Variants in KREMEN2 observed in about 807,000 individuals in gnomAD.
The protein encoded by KREMEN2 is kremen protein 2.
Under a neutral mutation model 49.8 loss-of-function variants are expected in KREMEN2, and 43 were observed. That is an observed-to-expected ratio of 0.86 (90% CI 0.68 to 1.11). The LOEUF is 1.11. KREMEN2 is among the 50% of genes most tolerant of loss of function. KREMEN2 has a pLI of 0.00. For missense variants in KREMEN2, 686 were observed against 665.7 expected (o/e 1.03, Z -0.34); for synonymous variants, 355 against 304.9 (o/e 1.16, Z -1.71).
At position 2,964,297 on chromosome 16, in the gene KREMEN2, G is replaced by A. The variant is rs549561429; in HGVS notation, c.-224G>A. 1.0e-4 allele frequency: 42 copies of A among 413,396 alleles called. No individual in the cohort carries two copies. The highest frequency in any genetic ancestry group is 1.2e-4 in the Non-Finnish European group (29 of 233,116). The allele number at this position is 413,396 out of a possible 1,614,324, so 25.6% of individuals were successfully genotyped here. ...GCCAGATTCCCCCCGGAGAGACCCGGGTAGGGACAGGGACAGAGAGACGCC... is the reference window on the plus strand; with the variant it reads ...GCCAGATTCCCCCCGGAGAGACCCGAGTAGGGACAGGGACAGAGAGACGCC... On this transcript the variant is annotated 5_prime_UTR_variant, in exon 1 of 9. Transcript: ENST00000303746.
In KREMEN2 at chr16:2,967,122, G is replaced by T. The variant is rs2071841748; in HGVS notation, c.853G>T (p.Ala285Ser). The T allele has an allele frequency of 7.0e-7, 1 of 1,426,798 alleles. No individual in the cohort carries two copies. The highest frequency in any genetic ancestry group is 9.1e-7 in the Non-Finnish European group (1 of 1,098,854). 88.4% of individuals were successfully genotyped at this position (1,426,798 alleles called of 1,614,324 possible). A position where few individuals can be genotyped will look rare whatever the true frequency, so the allele number is the denominator to read the frequency against. The change falls in exon 6 of 9, where the codon GCC (alanine) becomes TCC (serine). Residue 285 changes from alanine to serine, a missense_variant. Ala to Ser is a moderately conservative substitution (Grantham distance 99). Coordinates refer to ENST00000303746, the MANE Select transcript of KREMEN2 (RefSeq NM_172229.3). ...CGCGGCTTCGGGCAGCCTGCTCCGC[G>T]CCTTCGATGGCGCCCGCCCACCGCC... ...RDAASGSLLR[A>S]FDGARPPPSG...
intron 8 of KREMEN2, 96 bp downstream of exon 8, chr16:2,967,700 A>C: frequency 6.5e-7 from 1 of 1,547,954 alleles, no homozygotes; most frequent in East Asian, 2.4e-5. Context: ...CTGGGTTCTT[A>C]AGGGAGCGAG....
At position 2,966,413 on chromosome 16, in the gene KREMEN2, G is replaced by C. The variant is rs150800027; in HGVS notation, c.450G>C (p.Gln150His). ...GCACCTCCACGAAGCTCACGGTCCA[G>C]GTGTGCCTACGCTTCTGCCGCATGA... ...PSGTSTKLTV[Q>H]VCLRFCRMKG... The change falls in exon 4 of 9, where the codon CAG (glutamine) becomes CAC (histidine). Residue 150 changes from glutamine (Q) to histidine (H), a missense_variant. Coordinates refer to ENST00000303746, the MANE Select transcript of KREMEN2 (RefSeq NM_172229.3). The surrounding 1 kb of genome is among the most constrained non-coding windows in gnomAD (Gnocchi z 8.4). The C allele has an allele frequency of 7.4e-6, 12 of 1,611,034 alleles. No homozygotes were observed. The highest frequency in any genetic ancestry group is 1.3e-5 in the African/African-American group (1 of 74,854).
Position 2,967,923 on chromosome 16 carries a change from C to A in KREMEN2, c.1292C>A (p.Ser431Tyr). The A allele has an allele frequency of 6.4e-7, 1 of 1,574,414 alleles. No homozygotes were observed. The change falls in exon 9 of 9, where the codon TCC becomes TAC. Residue 431 changes from serine to tyrosine, a missense_variant. Transcript: ENST00000303746. ...CCCCGAGGGGTGGCCTTGCCCTGCTCCCCCGGGGACCCCCAGGCTGAGGGT... is the reference window on the plus strand; with the variant it reads ...CCCCGAGGGGTGGCCTTGCCCTGCTACCCCGGGGACCCCCAGGCTGAGGGT... ...QQPRGVALPCSPGDPQAEGSA... is the reference protein window; with the variant it reads ...QQPRGVALPCYPGDPQAEGSA...
intron 2 of KREMEN2, among the ~76,000 whole-genome samples, chr16:2,965,718 C>T (rs1362969327): frequency 3.4e-5 from 5 of 147,636 alleles, no homozygotes; most frequent in Non-Finnish European, 7.4e-5. Context: ...TTGCAGTGAG[C>T]AGAGATCGCG....
chr16:2,964,542 G>C lies in KREMEN2; in HGVS notation c.22G>C (p.Gly8Arg). 2 of 1,604,658 alleles carry C rather than the reference G, an allele frequency of 1.2e-6. No homozygotes were observed. Among genetic ancestry groups the C allele is most frequent in the South Asian group, 1.1e-5 (1 of 89,760 alleles). MGTQALQ[G>R]FLFLLFLPLL... ...AGCGATGGGGACACAAGCCCTGCAG[G>C]GCTTCCTCTTTCTCCTCTTCCTCCC... The change falls in exon 1 of 9, where the codon GGC (glycine) becomes CGC (arginine). Residue 8 changes from glycine to arginine, a missense_variant. By Grantham distance (125) the Gly-to-Arg change is moderately radical. Coordinates refer to ENST00000303746, the MANE Select transcript of KREMEN2 (RefSeq NM_172229.3).
In KREMEN2 at chr16:2,964,916, C is replaced by A. The variant is rs1185529297; in HGVS notation, c.152C>A (p.Thr51Asn). The change falls in exon 2 of 9, where the codon ACT becomes AAT. Residue 51 changes from threonine (T) to asparagine (N), a missense_variant. Physicochemically the swap from Thr to Asn is moderately conservative, Grantham distance 65. Transcript: ENST00000303746. Reference sequence around the variant, plus strand: ...GACTACCGCGGCCACCAGAACCGCACTGGCCCGCGCGGGGCGGGCCGCCCG... The same window carrying A: ...GACTACCGCGGCCACCAGAACCGCAATGGCCCGCGCGGGGCGGGCCGCCCG... ...GADYRGHQNR[T>N]GPRGAGRPCL... The A allele has an allele frequency of 1.9e-6, 3 of 1,607,256 alleles. No homozygotes were observed. The highest frequency in any genetic ancestry group is 1.3e-5 in the African/African-American group (1 of 74,594).
Position 2,967,600 on chromosome 16 carries a change from C to A in KREMEN2, c.1174C>A (p.Arg392=). The A allele has an allele frequency of 6.6e-7, 1 of 1,526,388 alleles. No homozygotes were observed. The highest frequency in any genetic ancestry group is 8.8e-7 in the Non-Finnish European group (1 of 1,142,514). 94.6% of individuals were successfully genotyped at this position (1,526,388 alleles called of 1,614,324 possible). The stretch of plus-strand genomic sequence containing the variant: ...CCTGGGGCTGCTGCGTCCGCTGCGC[C>A]GACGGTGCGGGGCGCTGGGGCAGGG... ...LLLGLLRPLR[R]RSCLLAPGKG... Residue 392 remains arginine, a synonymous_variant, in exon 8 of 9, where the codon CGA becomes AGA. Transcript: ENST00000303746.
Position 2,966,736 on chromosome 16 carries a change from T to C in KREMEN2, c.581T>C (p.Ile194Thr). 1 of 1,612,076 alleles carries C rather than the reference T, an allele frequency of 6.2e-7. No individual in the cohort carries two copies. The highest frequency in any genetic ancestry group is 8.5e-7 in the Non-Finnish European group (1 of 1,179,852). Residue 194 changes from isoleucine to threonine, a missense_variant, in exon 5 of 9, where the codon ATC (isoleucine) becomes ACC (threonine). Transcript: ENST00000303746. The surrounding 1 kb of genome is among the most constrained non-coding windows in gnomAD (Gnocchi z 8.4). ...RLAPATDCDQ[I>T]CFGHPGQLCG... Reference sequence around the variant, plus strand: ...GCCCCCGCCACCGACTGTGACCAGATCTGTTTCGGCCACCCTGGACAGCTG... The same window carrying C: ...GCCCCCGCCACCGACTGTGACCAGACCTGTTTCGGCCACCCTGGACAGCTG...
Position 2,966,082 on chromosome 16 carries a change from G to T in KREMEN2, c.270-58G>T, listed in dbSNP as rs2071810569. On this transcript the variant is annotated intron_variant, in intron 2 of 8. Coordinates refer to ENST00000303746, the MANE Select transcript of KREMEN2 (RefSeq NM_172229.3). This position sits in a 1 kb window ranked among gnomAD's most constrained non-coding sequence, Gnocchi z 8.4. ...CTTTGAGCATAGGCTGCGGGGCCGG[G>T]CCTGGGTTTGCTATTCTTGGGGTGG... is the stretch of plus-strand genomic sequence containing the variant. 2 of 1,496,556 alleles carry T rather than the reference G, an allele frequency of 1.3e-6. No homozygotes were observed. Among genetic ancestry groups the T allele is most frequent in the African/African-American group, 2.8e-5 (2 of 72,720 alleles). The allele number at this position is 1,496,556 out of a possible 1,614,324, so 92.7% of individuals were successfully genotyped here.
chr16:2,967,657 G>T, intron 8 of KREMEN2, 53 bp downstream of exon 8: 1 of 1,538,910 alleles, frequency 6.5e-7, no homozygotes, highest in Non-Finnish European at 8.7e-7. Context: ...GGGAGCTGGA[G>T]CCCCAGAAGG....
Position 2,968,082 on chromosome 16 carries a change from C to A in KREMEN2, c.*62C>A. On this transcript the variant is annotated 3_prime_UTR_variant, in exon 9 of 9. Coordinates refer to ENST00000303746, the MANE Select transcript of KREMEN2 (RefSeq NM_172229.3). ...CGAGATGGACACCTGAGATGCTGTG[C>A]TGCGCCCTGCCTCGGCCTTGCGCCT... 1 of 1,469,368 alleles carries A rather than the reference C, an allele frequency of 6.8e-7. No homozygotes were observed. The highest frequency in any genetic ancestry group is 9.2e-7 in the Non-Finnish European group (1 of 1,087,756). 91.0% of individuals were successfully genotyped at this position (1,469,368 alleles called of 1,614,324 possible). A position where few individuals can be genotyped will look rare whatever the true frequency, so the allele number is the denominator to read the frequency against.
In KREMEN2 at chr16:2,968,123, G is replaced by C. The variant is rs898180874; in HGVS notation, c.*103G>C. ...CCTTGCGCCTGTGTAGGGGCAGCTC[G>C]GCCTCTGGTCGCCTTGGGGAGACCA... On this transcript the variant is annotated 3_prime_UTR_variant, in exon 9 of 9. Transcript: ENST00000303746. The C allele has an allele frequency of 9.5e-6, 12 of 1,262,890 alleles. No individual in the cohort carries two copies. The highest frequency in any genetic ancestry group is 2.5e-5 in the East Asian group (1 of 39,652). 78.2% of individuals were successfully genotyped at this position (1,262,890 alleles called of 1,614,324 possible). A position where few individuals can be genotyped will look rare whatever the true frequency, so the allele number is the denominator to read the frequency against.
Position 2,965,027 on chromosome 16 carries a change from T to G in KREMEN2, c.263T>G (p.Phe88Cys). The change falls in exon 2 of 9, where the codon TTC becomes TGC. Residue 88 changes from phenylalanine (F) to cysteine (C), a missense_variant. Coordinates refer to ENST00000303746, the MANE Select transcript of KREMEN2 (RefSeq NM_172229.3). ...CGCTGGGGGCTGGGCGCGCACAACT[T>G]CTGCCGGTGAGGGGCGGGGCCTGCG... ...HGRWGLGAHN[F>C]CRNPDGDVQP... The G allele has an allele frequency of 6.5e-7, 1 of 1,540,510 alleles. No individual in the cohort carries two copies.
At chr16:2,965,061 G>C in intron 2 of KREMEN2, 28 bp downstream of exon 2, 1 of 1,490,926 alleles carries the variant, frequency 6.7e-7, no homozygotes, top group Non-Finnish European at 8.9e-7. Context: ...CGCTGGGGGC[G>C]AGGCTGGGCT....
At position 2,967,965 on chromosome 16, in the gene KREMEN2, G is replaced by A. The variant is rs199819672; in HGVS notation, c.1334G>A (p.Arg445Gln). 651 of 1,586,482 alleles carry A rather than the reference G, an allele frequency of 4.1e-4. 6 individuals carry two copies. In the East Asian group the frequency reaches 0.015, roughly 36 times the overall value. The stretch of plus-strand genomic sequence containing the variant: ...GCTGAGGGTTCTGCCGCGGGCTACC[G>A]GCCTCTGAGTGCCTCCAGCCAGAGC... ...PQAEGSAAGYRPLSASSQSSL... is the reference protein window; with the variant it reads ...PQAEGSAAGYQPLSASSQSSL... The change falls in exon 9 of 9, where the codon CGG becomes CAG. Residue 445 changes from arginine to glutamine, a missense_variant. By Grantham distance (43) the Arg-to-Gln change is conservative. Coordinates refer to ENST00000303746, the MANE Select transcript of KREMEN2 (RefSeq NM_172229.3).
chr16:2,967,584 G>T lies in KREMEN2; in HGVS notation c.1158G>T (p.Leu386=). ...VSVLLLLLLG[L]LRPLRRRSCL... Reference sequence around the variant, plus strand: ...TGCTGCTGCTGCTGCTCCTGGGGCTGCTGCGTCCGCTGCGCCGACGGTGCG... The same window carrying T: ...TGCTGCTGCTGCTGCTCCTGGGGCTTCTGCGTCCGCTGCGCCGACGGTGCG... The change falls in exon 8 of 9, where the codon CTG becomes CTT. Residue 386 remains leucine, a synonymous_variant. Coordinates refer to ENST00000303746, the MANE Select transcript of KREMEN2 (RefSeq NM_172229.3). The T allele has an allele frequency of 6.5e-7, 1 of 1,527,036 alleles. No individual in the cohort carries two copies. Among genetic ancestry groups the T allele is most frequent in the Non-Finnish European group, 8.7e-7 (1 of 1,143,012 alleles). The allele number at this position is 1,527,036 out of a possible 1,614,324, so 94.6% of individuals were successfully genotyped here.
Position 2,966,820 on chromosome 16 carries a change from G to A in KREMEN2, c.640+25G>A, listed in dbSNP as rs765174502. ...GGTGAGGAGTGGGCGGGGACCAGGG[G>A]CCTGGGCGGGCCTCGAGGTGGGGCC... On this transcript the variant is annotated intron_variant, in intron 5 of 8. Transcript: ENST00000303746. This position sits in a 1 kb window ranked among gnomAD's most constrained non-coding sequence, Gnocchi z 8.4. 4.4e-6 allele frequency: 7 copies of A among 1,603,066 alleles called. No individual in the cohort carries two copies. The highest frequency in any genetic ancestry group is 4.0e-5 in the African/African-American group (3 of 74,796).
In KREMEN2 at chr16:2,966,186, G is replaced by C. The variant is rs755495601; in HGVS notation, c.316G>C (p.Glu106Gln). 24 of 1,612,704 alleles carry C rather than the reference G, an allele frequency of 1.5e-5. No homozygotes were observed. The highest frequency in any genetic ancestry group is 1.9e-5 in the Non-Finnish European group (23 of 1,180,018). The change falls in exon 3 of 9, where the codon GAG (glutamate) becomes CAG (glutamine). Residue 106 changes from glutamate to glutamine, a missense_variant. Transcript: ENST00000303746. This position sits in a 1 kb window ranked among gnomAD's most constrained non-coding sequence, Gnocchi z 8.4. Reference sequence around the variant, plus strand: ...GCCGTGGTGCTACGTGGCTGAGACAGAGGAGGGCATCTACTGGCGCTACTG... The same window carrying C: ...GCCGTGGTGCTACGTGGCTGAGACACAGGAGGGCATCTACTGGCGCTACTG... ...VQPWCYVAETEEGIYWRYCDI... is the reference protein window; with the variant it reads ...VQPWCYVAETQEGIYWRYCDI...
Sources: allele counts gnomAD v4.1 joint callset (sites outside exome capture counted in the v4.1 genomes callset), GRCh38; gene constraint gnomAD v4.1.1; non-coding constraint Gnocchi (gnomAD v3.1); transcripts MANE v1.5; gene names NCBI Gene and HGNC (gene_info 2026-07-23, HGNC 2026-07-21).